The following MAPK15 variants were observed in gnomAD, a reference collection of about 807,000 sequenced individuals.
MAPK15 encodes the protein ERK-7.
In MAPK15, 61 loss-of-function variants were observed where a neutral mutation model predicts 60.8. That is an observed-to-expected ratio of 1.00 (90% CI 0.82 to 1.24). The LOEUF is 1.24. Ranked by LOEUF, MAPK15 falls within the 50% of genes most tolerant of loss-of-function variation. The pLI, the probability that MAPK15 is intolerant of heterozygous loss-of-function variation, is 0.00. For synonymous variants in MAPK15, 356 were observed against 319.9 expected, an observed-to-expected ratio of 1.11 and a Z score of -1.21; for missense variants, 808 against 741.1, an observed-to-expected ratio of 1.09 and a Z score of -1.05.
rs375345657 is a variant in MAPK15 at position 143,721,097 on chromosome 8, G to A, written c.1015G>A (p.Val339Ile). The A allele has an allele frequency of 2.6e-5, 42 of 1,610,416 alleles. No individual in the cohort carries two copies. Among genetic ancestry groups the A allele is most frequent in the Middle Eastern group, 1.6e-4 (1 of 6,076 alleles). The stretch of plus-strand genomic sequence containing the variant: ...CTCTGTGCCTGAGTACCGCAGCCGC[G>A]TCTATCAGGTGCTCCGGCTCTCGAC... ...QLSVPEYRSR[V>I]YQMILECGGS... is the part of the protein sequence containing the mutation. Residue 339 changes from valine to isoleucine, a missense_variant, in exon 10 of 14, where the codon GTC (valine) becomes ATC (isoleucine). Physicochemically the swap from Val to Ile is conservative, Grantham distance 29. Transcript: ENST00000338033.
In MAPK15 at chr8:143,717,731, C is replaced by T. The variant is rs369747564; in HGVS notation, c.104C>T (p.Thr35Ile). 6.2e-7 allele frequency: 1 copy of T among 1,611,848 alleles called. No homozygotes were observed. The highest frequency in any genetic ancestry group is 1.3e-5 in the African/African-American group (1 of 74,910). The change falls in exon 2 of 14, where the codon ACT (threonine) becomes ATT (isoleucine). Residue 35 changes from threonine to isoleucine, a missense_variant. Coordinates refer to ENST00000338033, the MANE Select transcript of MAPK15 (RefSeq NM_139021.3). ...GIVWKAVDRR[T>I]GEVVAIKKIF... The stretch of plus-strand genomic sequence containing the variant: ...GTGTGGAAGGCAGTGGACCGGAGGA[C>T]TGGTGAGGTCGTGGCCATCAAGAAA...
rs1488765931 is a variant in MAPK15 at position 143,719,007 on chromosome 8, C to CCT, written c.433_434dup (p.Asp146TrpfsTer7). 2.5e-6 allele frequency: 4 copies of CCT among 1,607,650 alleles called. No individual in the cohort carries two copies. The highest frequency in any genetic ancestry group is 2.7e-5 in the African/African-American group (2 of 74,786). ...CCTCTCTGCAGCCGTCCAATGTGCTCCTGGATGCCAACTGCACAGTGAAGC... is the reference window on the plus strand; with the variant it reads ...CCTCTCTGCAGCCGTCCAATGTGCTCCTCTGGATGCCAACTGCACAGTGAAGC... On this transcript the variant is annotated frameshift_variant, in exon 6 of 14. Coordinates refer to ENST00000338033, the MANE Select transcript of MAPK15 (RefSeq NM_139021.3). LOFTEE classifies it high-confidence loss of function.
In MAPK15 at chr8:143,720,501, T is replaced by G; in HGVS notation, c.780-202T>G. The G allele has an allele frequency of 6.9e-7, 1 of 1,451,216 alleles. No individual in the cohort carries two copies. Among genetic ancestry groups the G allele is most frequent in the Non-Finnish European group, 9.1e-7 (1 of 1,099,374 alleles). 89.9% of individuals were successfully genotyped at this position (1,451,216 alleles called of 1,614,324 possible). The stretch of plus-strand genomic sequence containing the variant: ...GGCCCAGAGGAGCTGTGCCAGGGCG[T>G]GGAGAGGAGGGCACCAGGGGGCCGC... On this transcript the variant is annotated intron_variant, in intron 8 of 13. Transcript: ENST00000338033. The surrounding 1 kb of genome is among the most constrained non-coding windows in gnomAD (Gnocchi z 4.6).
intron 3 of MAPK15, 21 bp from the exon 4 acceptor site, chr8:143,718,191 C>T (rs376917247): frequency 1.3e-4 from 213 of 1,613,758 alleles, no homozygotes; most frequent in Admixed American, 1.7e-4. Flanking sequence ...GCCTTCCAGC[C>T]GCCTCCGACT....
In MAPK15 at chr8:143,720,868, G is replaced by A. The variant is rs1554619578; in HGVS notation, c.917+28G>A. 3 of 1,605,116 alleles carry A rather than the reference G, an allele frequency of 1.9e-6. No individual in the cohort carries two copies. The highest frequency in any genetic ancestry group is 4.5e-5 in the East Asian group (2 of 44,758). ...GGGGGTGGGAGAGAGTCCCCCAAGTGCGGGGGGACAGAGGTGGGGGCAGGA... is the reference window on the plus strand; with the variant it reads ...GGGGGTGGGAGAGAGTCCCCCAAGTACGGGGGGACAGAGGTGGGGGCAGGA... On this transcript the variant is annotated intron_variant, in intron 9 of 13. Coordinates refer to ENST00000338033, the MANE Select transcript of MAPK15 (RefSeq NM_139021.3). This position sits in a 1 kb window ranked among gnomAD's most constrained non-coding sequence, Gnocchi z 4.6.
At chr8:143,718,727 G>GGGGGGCCCCCCCCCCC in intron 4 of MAPK15, 48 bp from the exon 5 acceptor site, 1 of 514,506 alleles carries the variant, frequency 1.9e-6, no homozygotes. Context: ...CCCCCAGGTT[G>GGGGGGCCCCCCCCCCC]CCCCCCCAGC....
In MAPK15 at chr8:143,718,054, T is replaced by C. The variant is rs199893934; in HGVS notation, c.173T>C (p.Phe58Ser). Residue 58 changes from phenylalanine (F) to serine (S), a missense_variant, in exon 3 of 14, where the codon TTC (phenylalanine) becomes TCC (serine). By Grantham distance (155) the Phe-to-Ser change is radical (BLOSUM62 -2). Transcript: ENST00000338033. ...FRDKTDAQRT[F>S]REITLLQEFG... The stretch of plus-strand genomic sequence containing the variant: ...GTGTTTCTGTCTCTTCAGAGAACAT[T>C]CCGGGAAATCACGCTCCTCCAGGTG... The C allele has an allele frequency of 4.3e-6, 7 of 1,614,072 alleles. No homozygotes were observed. The highest frequency in any genetic ancestry group is 5.1e-6 in the Non-Finnish European group (6 of 1,179,988).
chr8:143,717,689 C>T lies in MAPK15; in HGVS notation c.67-5C>T. On this transcript the variant is annotated splice_region_variant and splice_polypyrimidine_tract_variant and intron_variant, in intron 1 of 13. Transcript: ENST00000338033. Reference sequence around the variant, plus strand: ...CTGGCCCTGTGTGACGGCACTCCTTCCCAGGCCTATGGCATTGTGTGGAAG... The same window carrying T: ...CTGGCCCTGTGTGACGGCACTCCTTTCCAGGCCTATGGCATTGTGTGGAAG... The T allele has an allele frequency of 6.3e-7, 1 of 1,599,708 alleles. No individual in the cohort carries two copies. Among genetic ancestry groups the T allele is most frequent in the South Asian group, 1.1e-5 (1 of 88,206 alleles).
rs1449922106 is a variant in MAPK15, at chr8:143,716,364, G to A, written c.-14G>A. ...CCGACTCAACAGTAAGGCCCCGCGG[G>A]CGTCCTGGCCGCCATGTGCACCGTA... On this transcript the variant is annotated 5_prime_UTR_variant, in exon 1 of 14. Coordinates refer to ENST00000338033, the MANE Select transcript of MAPK15 (RefSeq NM_139021.3). 2 of 1,589,698 alleles carry A rather than the reference G, an allele frequency of 1.3e-6. No homozygotes were observed. The highest frequency in any genetic ancestry group is 1.7e-6 in the Non-Finnish European group (2 of 1,171,140).
chr8:143,719,225 G>A, intron 6 of MAPK15, 69 bp downstream of exon 6: 4 of 1,501,620 alleles, frequency 2.7e-6, no homozygotes, highest in East Asian at 2.4e-5. Flanking sequence ...AGGGCTCCCA[G>A]GCCTCCCGTA....
chr8:143,717,657 G>T (rs782440124), intron 1 of MAPK15, 37 bp from the exon 2 acceptor site: 4 of 1,530,940 alleles, frequency 2.6e-6, no homozygotes, highest in Non-Finnish European at 1.8e-6. Context: ...GGGATGGGGG[G>T]AAGGGGCTGG....
chr8:143,718,666 C>A, intron 4 of MAPK15, 109 bp from the exon 5 acceptor site: 1 of 1,026,184 alleles, frequency 9.7e-7, no homozygotes, highest in Non-Finnish European at 1.4e-6. Context: ...GCGGCCAGGC[C>A]GTGGGCTGGT....
At chr8:143,717,092 G>C (rs559719250) in intron 1 of MAPK15, among the ~76,000 whole-genome samples, 7 of 152,276 alleles carry the variant, frequency 4.6e-5, no homozygotes, top group African/African-American at 1.7e-4. Flanking sequence ...GGGTCCGATC[G>C]TGTGGGAGCT....
At chr8:143,718,181 GC>G (rs1554618776) in intron 3 of MAPK15, 30 bp from the exon 4 acceptor site, 4 of 1,613,408 alleles carry the variant, frequency 2.5e-6, no homozygotes, top group East Asian at 4.5e-5. Context: ...GCCCCTCCTG[GC>G]CTTCCAGCCG....
Position 143,721,668 on chromosome 8 carries a change from T to C in MAPK15, c.1324T>C (p.Ser442Pro), listed in dbSNP as rs1207177047. Residue 442 changes from serine to proline, a missense_variant, in exon 12 of 14, where the codon TCG becomes CCG. Transcript: ENST00000338033. ...GAAGGAAGCGCCCCCCTTGACACTC[T>C]CGCTGGTAAGTCATGGTGGGGCGGG... ...GAKEAPPLTLSLVKPSGRGAA... is the reference protein window; with the variant it reads ...GAKEAPPLTLPLVKPSGRGAA... The C allele has an allele frequency of 6.2e-7, 1 of 1,608,842 alleles. No homozygotes were observed. The highest frequency in any genetic ancestry group is 2.2e-5 in the East Asian group (1 of 44,780).
In MAPK15 at chr8:143,721,899, G is replaced by GC; in HGVS notation, c.1458+24dup. ...ACAACAGGTAAGCCCGGCCCAGTCT[G>GC]CCCCCGTCCCCTCATCCTCCTTTCC... On this transcript the variant is annotated intron_variant, in intron 13 of 13. Coordinates refer to ENST00000338033, the MANE Select transcript of MAPK15 (RefSeq NM_139021.3). The GC allele has an allele frequency of 6.4e-7, 1 of 1,551,778 alleles. No individual in the cohort carries two copies. Among genetic ancestry groups the GC allele is most frequent in the Non-Finnish European group, 8.7e-7 (1 of 1,150,714 alleles).
In MAPK15 at chr8:143,720,234, C is replaced by T. The variant is rs943928232; in HGVS notation, c.726C>T (p.Leu242=). 1.9e-6 allele frequency: 3 copies of T among 1,578,126 alleles called. No individual in the cohort carries two copies. Among genetic ancestry groups the T allele is most frequent in the Non-Finnish European group, 2.6e-6 (3 of 1,161,360 alleles). ...ETIPPPSEED[L]LALGSGCRAS... is the part of the protein sequence containing the mutation. ...CACCACCTTCTGCTGCCCCAGACCT[C>T]CTGGCTCTCGGCTCAGGCTGCCGTG... The change falls in exon 8 of 14, where the codon CTC becomes CTT. Residue 242 remains leucine, a synonymous_variant. Transcript: ENST00000338033. The surrounding 1 kb of genome is among the most constrained non-coding windows in gnomAD (Gnocchi z 4.6).
intron 2 of MAPK15, 64 bp downstream of exon 2, chr8:143,717,856 T>G: frequency 1.3e-6 from 2 of 1,547,206 alleles, no homozygotes; most frequent in Admixed American, 3.5e-5. Context: ...CTTGCCCTGG[T>G]GCCTGGAAGC....
intron 1 of MAPK15, among the ~76,000 whole-genome samples, chr8:143,717,294 T>G (rs1363389558): frequency 6.6e-6 from 1 of 151,292 alleles, no homozygotes; most frequent in African/African-American, 2.4e-5. Flanking sequence ...GGGACCAGGG[T>G]GGGGGCAGAA....
Sources: gnomAD v4.1 joint callset for allele counts (sites outside exome capture counted in the v4.1 genomes callset) on GRCh38, gnomAD v4.1.1 for gene constraint, Gnocchi (gnomAD v3.1) non-coding constraint, MANE v1.5 for transcripts, NCBI Gene and HGNC (gene_info 2026-07-23, HGNC 2026-07-21) for gene names.